The following BICRAL variants were observed in gnomAD, a reference collection of about 807,000 sequenced individuals.
BICRAL encodes BRD4-interacting chromatin-remodeling complex-associated protein-like.
In BICRAL, 8 loss-of-function variants were observed where a neutral mutation model predicts 91.8. That is an observed-to-expected ratio of 0.09 (90% CI 0.05 to 0.16). The LOEUF (loss-of-function observed/expected upper bound fraction) is 0.16. Ranked by LOEUF, BICRAL falls within the 10% of genes least tolerant of loss-of-function variation. The probability of loss-of-function intolerance (pLI) is 1.00; values close to 1 mark genes in which losing one functional copy is unlikely to be tolerated. For synonymous variants in BICRAL, 445 were observed against 491.1 expected (o/e 0.91, Z 1.24); for missense variants, 1,038 against 1,310.9 (o/e 0.79, Z 3.21).
intron 1 of BICRAL, among the ~76,000 whole-genome samples, chr6:42,799,084 T>G (rs932598722): frequency 6.6e-6 from 1 of 152,134 alleles, no homozygotes; most frequent in Non-Finnish European, 1.5e-5. Context: ...AGTAGAAATA[T>G]GTATTAGACA....
Position 42,862,576 on chromosome 6 carries a change from C to G in BICRAL, c.2416C>G (p.Leu806Val). Residue 806 changes from leucine (L) to valine (V), a missense_variant, in exon 12 of 13, where the codon CTG becomes GTG. Around this residue, in one of 5 missense-constraint regions of BICRAL, gnomAD observed 294 missense variants for 292.6 expected, o/e 1.00. Transcript: ENST00000314073. ...GTTCAACCAGGAGGAAAGAGCTTCC[C>G]TGTCCCGAGACAAGCGTTTGGCACT... ...RMFNQEERAS[L>V]SRDKRLALVD... The G allele has an allele frequency of 6.2e-7, 1 of 1,610,968 alleles. No individual in the cohort carries two copies. The highest frequency in any genetic ancestry group is 8.5e-7 in the Non-Finnish European group (1 of 1,177,192).
chr6:42,836,239 C>T (rs1168521297), intron 6 of BICRAL, among the ~76,000 whole-genome samples: 1 of 152,112 alleles, frequency 6.6e-6, no homozygotes, highest in Non-Finnish European at 1.5e-5. Flanking sequence ...AGCAATCATC[C>T]ATAGCATGGT....
At chr6:42,790,948 G>A (rs1763255149) in intron 1 of BICRAL, among the ~76,000 whole-genome samples, 1 of 152,040 alleles carries the variant, frequency 6.6e-6, no homozygotes, top group South Asian at 2.1e-4. Flanking sequence ...CATGTGGGGT[G>A]TGGATTTTAA....
chr6:42,782,813 G>A (rs1762959343), intron 1 of BICRAL, among the ~76,000 whole-genome samples: 1 of 152,148 alleles, frequency 6.6e-6, no homozygotes, highest in South Asian at 2.1e-4. Context: ...GCCGCGAGCA[G>A]GGGGCAGGGA....
chr6:42,808,493 TG>T (rs1389874544), intron 1 of BICRAL, among the ~76,000 whole-genome samples: 11 of 152,234 alleles, frequency 7.2e-5, no homozygotes, highest in Admixed American at 2.6e-4. Flanking sequence ...AAAATAATCA[TG>T]GATGTCTTGA....
intron 1 of BICRAL, among the ~76,000 whole-genome samples, chr6:42,761,209 G>A (rs1582801004): frequency 6.6e-6 from 1 of 151,978 alleles, no homozygotes; most frequent in South Asian, 2.1e-4. Flanking sequence ...AATCCCAGCA[G>A]TTTGGGAGGC....
chr6:42,792,814 G>A (rs1228073339), intron 1 of BICRAL, among the ~76,000 whole-genome samples: 2 of 151,922 alleles, frequency 1.3e-5, no homozygotes, highest in Non-Finnish European at 2.9e-5. Flanking sequence ...TCTGGAGGCT[G>A]AGGCACAAGA....
chr6:42,802,248 A>C (rs933267497), intron 1 of BICRAL, among the ~76,000 whole-genome samples: 2 of 152,152 alleles, frequency 1.3e-5, no homozygotes, highest in African/African-American at 4.8e-5. Context: ...ACCTTATCTC[A>C]GGAAAAAAAG....
At chr6:42,845,024 A>G (rs1042076319) in intron 6 of BICRAL, among the ~76,000 whole-genome samples, 1 of 151,834 alleles carries the variant, frequency 6.6e-6, no homozygotes, top group African/African-American at 2.4e-5. Flanking sequence ...AAGGGAAAAA[A>G]AGGATTACTG....
chr6:42,784,682 G>T (rs918198897), intron 1 of BICRAL, among the ~76,000 whole-genome samples: 1 of 152,164 alleles, frequency 6.6e-6, no homozygotes, highest in Non-Finnish European at 1.5e-5. Context: ...GTTGCCATTG[G>T]ATCACAAAAG....
At chr6:42,835,531 C>G (rs1030407486) in intron 6 of BICRAL, among the ~76,000 whole-genome samples, 1 of 151,722 alleles carries the variant, frequency 6.6e-6, no homozygotes, top group Non-Finnish European at 1.5e-5. Flanking sequence ...AATGGCTAAT[C>G]CATGTTTTAA....
At position 42,845,195 on chromosome 6, in the gene BICRAL, G is replaced by GGTTTTTTTTTTTTTTT. The variant is rs1562490931; in HGVS notation, c.1840-6897_1840-6896insGTTTTTTTTTTTTTTT. 7.8e-4 allele frequency among the ~76,000 whole-genome samples: 20 copies of GGTTTTTTTTTTTTTTT among 25,612 alleles called. 6 individuals are homozygous for GGTTTTTTTTTTTTTTT. Among genetic ancestry groups the GGTTTTTTTTTTTTTTT allele is most frequent in the African/African-American group, 7.7e-4 (7 of 9,080 alleles). 16.8% of individuals were successfully genotyped at this position (25,612 alleles called of 152,430 possible). A position where few individuals can be genotyped will look rare whatever the true frequency, so the allele number is the denominator to read the frequency against. On this transcript the variant is annotated intron_variant, in intron 6 of 12. Transcript: ENST00000314073. ...CTTCTCTGTTTTTTGTTTTTTGGGT[G>GGTTTTTTTTTTTTTTT]TTTTTTTTTTTTTTTTTTTTTTTTT...
intron 7 of BICRAL, among the ~76,000 whole-genome samples, chr6:42,852,680 C>G (rs1213042216): frequency 7.3e-6 from 1 of 137,604 alleles, no homozygotes; most frequent in Non-Finnish European, 1.5e-5. Flanking sequence ...AAAAAAAAAA[C>G]CCCACTAAGA....
At chr6:42,850,067 A>G (rs1326526581) in intron 6 of BICRAL, among the ~76,000 whole-genome samples, 1 of 151,930 alleles carries the variant, frequency 6.6e-6, no homozygotes, top group Non-Finnish European at 1.5e-5. Flanking sequence ...AAATAAATAA[A>G]TAAGCTTAGT....
At chr6:42,751,744 GC>G (rs1762384657) in intron 1 of BICRAL, among the ~76,000 whole-genome samples, 1 of 132,520 alleles carries the variant, frequency 7.5e-6, no homozygotes, top group Non-Finnish European at 1.5e-5. Flanking sequence ...CGCAACCCCC[GC>G]CTCCTGGGTT....
rs552419097 is a variant in BICRAL, at chr6:42,795,385, C to T, written c.-102+13284C>T. Among the ~76,000 whole-genome samples the T allele has an allele frequency of 1.2e-3, 178 of 152,268 alleles. 1 individual carries two copies. The South Asian group carries it at 0.035, about 30-fold the overall frequency. ...GGTGGAGGTTGCAGTGTGCCGAGAT[C>T]GTGCCACTGCACTCCAGCCTGGGCA... On this transcript the variant is annotated intron_variant, in intron 1 of 12. Transcript: ENST00000314073.
At chr6:42,777,079 C>T (rs1345878414), upstream of BICRAL, among the ~76,000 whole-genome samples, 1 of 152,088 alleles carries the variant, frequency 6.6e-6, no homozygotes, top group African/African-American at 2.4e-5. Flanking sequence ...TTGAGGAGCT[C>T]CCTATCCAGG....
intron 1 of BICRAL, among the ~76,000 whole-genome samples, chr6:42,786,680 C>T (rs1763112009): frequency 6.6e-6 from 1 of 152,098 alleles, no homozygotes; most frequent in African/African-American, 2.4e-5. Flanking sequence ...TGGGAATGAC[C>T]ATTTTGGCTA....
intron 5 of BICRAL, among the ~76,000 whole-genome samples, chr6:42,825,955 C>T (rs1764288000): frequency 6.6e-6 from 1 of 151,412 alleles, no homozygotes; most frequent in Non-Finnish European, 1.5e-5. Context: ...TGGTGGTGGG[C>T]ACCTGTAATC....
Sources: gnomAD v4.1 joint callset for allele counts (sites outside exome capture counted in the v4.1 genomes callset) on GRCh38, gnomAD v4.1.1 for gene constraint, gnomAD v4.1.1 regional missense constraint, MANE v1.5 for transcripts, NCBI Gene and HGNC (gene_info 2026-07-23, HGNC 2026-07-21) for gene names.